RPS6KA2: variants seen among roughly 807,000 people sequenced by gnomAD.
RPS6KA2 encodes ribosomal protein S6 kinase A2, also known as ribosomal protein S6 kinase alpha-2.
In RPS6KA2, 42 loss-of-function variants were observed where a neutral mutation model predicts 91.8. That is an observed-to-expected ratio of 0.46 (90% CI 0.36 to 0.59). The LOEUF is 0.59. Among genes scored for constraint, RPS6KA2 ranks in the 20% least tolerant of loss-of-function variants. RPS6KA2 has a pLI of 0.00. For missense variants in RPS6KA2, 798 were observed against 978.5 expected (o/e 0.82, Z 2.46); for synonymous variants, 414 against 393.6 (o/e 1.05, Z -0.61).
intron 2 of RPS6KA2, among the ~76,000 whole-genome samples, chr6:166,711,556 T>C (rs1337270735): frequency 6.6e-6 from 1 of 151,300 alleles, no homozygotes. Context: ...GAATGGGAGA[T>C]ATAAAGAAGA....
intron 1 of RPS6KA2, among the ~76,000 whole-genome samples, chr6:166,589,545 T>C (rs1210625481): frequency 6.6e-6 from 1 of 152,236 alleles, no homozygotes; most frequent in Admixed American, 6.5e-5. Flanking sequence ...TCATGCTTCA[T>C]GGAAGGCTGC....
intron 2 of RPS6KA2, among the ~76,000 whole-genome samples, chr6:166,764,747 C>T (rs1363258834): frequency 6.6e-6 from 1 of 152,232 alleles, no homozygotes. Context: ...GGAAGACGCG[C>T]CACAGGGACT....
intron 10 of RPS6KA2, among the ~76,000 whole-genome samples, chr6:166,487,684 G>A (rs1583197013): frequency 6.6e-6 from 1 of 152,238 alleles, no homozygotes; most frequent in East Asian, 1.9e-4. Context: ...GGATGTAAAT[G>A]TGTTTAATTA....
At position 166,423,237 on chromosome 6, in the gene RPS6KA2, G is replaced by A; in HGVS notation, c.1743+19C>T. On this transcript the variant is annotated intron_variant, in intron 17 of 20. Transcript: ENST00000265678. This position sits in a 1 kb window ranked among gnomAD's most constrained non-coding sequence, Gnocchi z 4.8. ...TTTGCGGATAGAGAGGCCTGGGTCT[G>A]CAGTCGGGGAATGCTCACCTCCGGG... The A allele has an allele frequency of 1.9e-6, 3 of 1,594,802 alleles. No individual in the cohort carries two copies. The highest frequency in any genetic ancestry group is 1.7e-6 in the Non-Finnish European group (2 of 1,166,084).
Position 166,490,694 on chromosome 6 carries a change from C to T in RPS6KA2, c.795G>A (p.Lys265=), listed in dbSNP as rs756052281. ...ACTTGAGGATGAGAGCCATGGTCTC[C>T]TTCCTGTCCTTCCCCTGGAACGGCA... ...GSLPFQGKDR[K]ETMALILKAK... is the part of the protein sequence containing the mutation. The change falls in exon 9 of 21, where the codon AAG becomes AAA. Residue 265 remains lysine (K), a synonymous_variant. Coordinates refer to ENST00000265678, the MANE Select transcript of RPS6KA2 (RefSeq NM_021135.6). The surrounding 1 kb of genome is among the most constrained non-coding windows in gnomAD (Gnocchi z 4.2). 6.2e-7 allele frequency: 1 copy of T among 1,612,464 alleles called. No homozygotes were observed. The highest frequency in any genetic ancestry group is 8.5e-7 in the Non-Finnish European group (1 of 1,179,208).
chr6:166,628,588 C>G (rs997718573), upstream of RPS6KA2, among the ~76,000 whole-genome samples: 1 of 152,252 alleles, frequency 6.6e-6, no homozygotes, highest in Non-Finnish European at 1.5e-5. Context: ...GAGGTGAGGT[C>G]AGATAGGCTC....
chr6:166,789,017 C>G (rs979528347), intron 2 of RPS6KA2, among the ~76,000 whole-genome samples: 1 of 152,148 alleles, frequency 6.6e-6, no homozygotes, highest in Non-Finnish European at 1.5e-5. Flanking sequence ...GGGCACAGGA[C>G]AGCGGGTGCA....
chr6:166,699,885 T>A (rs1789460126), intron 2 of RPS6KA2, among the ~76,000 whole-genome samples: 1 of 152,218 alleles, frequency 6.6e-6, no homozygotes, highest in African/African-American at 2.4e-5. Flanking sequence ...TGCTTAAAAA[T>A]CTTCAAAATA....
intron 2 of RPS6KA2, among the ~76,000 whole-genome samples, chr6:166,749,960 G>A (rs1791225356): frequency 6.6e-6 from 1 of 151,894 alleles, no homozygotes; most frequent in Non-Finnish European, 1.5e-5. Context: ...AGAGAGGGCG[G>A]TGGAGGTGGC....
rs190044669 is a variant in RPS6KA2, at chr6:166,810,396, G to A, written c.123+47804C>T. Among the ~76,000 whole-genome samples, 31 of 152,280 alleles carry A rather than the reference G, an allele frequency of 2.0e-4. No individual in the cohort carries two copies. In the East Asian group the frequency reaches 5.2e-3, roughly 26 times the overall value. ...GTAACATGGAAAGATCTGAGCCCACGAGGATATTTGCCTCTTTGTGACGGG... is the reference window on the plus strand; with the variant it reads ...GTAACATGGAAAGATCTGAGCCCACAAGGATATTTGCCTCTTTGTGACGGG... On this transcript the variant is annotated intron_variant, in intron 2 of 21. Coordinates refer to the RPS6KA2 transcript ENST00000503859.
rs536659374 is a variant in RPS6KA2, at chr6:166,493,157, G to T, written c.748-2416C>A. On this transcript the variant is annotated intron_variant, in intron 8 of 20. Coordinates refer to ENST00000265678, the MANE Select transcript of RPS6KA2 (RefSeq NM_021135.6). The surrounding 1 kb of genome is among the most constrained non-coding windows in gnomAD (Gnocchi z 4.7). ...TAGGAGGTCCCCAACCATCTACTCA[G>T]CCAGAGAACACCCAGCACAGCACCC... is the stretch of plus-strand genomic sequence containing the variant. 4.7e-4 allele frequency among the ~76,000 whole-genome samples: 72 copies of T among 152,108 alleles called. No individual in the cohort carries two copies. Among genetic ancestry groups the T allele is most frequent in the African/African-American group, 1.7e-3 (71 of 41,492 alleles).
At chr6:166,766,999 C>T (rs1289804548) in intron 2 of RPS6KA2, among the ~76,000 whole-genome samples, 1 of 152,212 alleles carries the variant, frequency 6.6e-6, no homozygotes, top group East Asian at 1.9e-4. Flanking sequence ...GCCTCCCCAC[C>T]CCCGAACCCT....
intron 1 of RPS6KA2, among the ~76,000 whole-genome samples, chr6:166,581,712 C>A (rs1277211915): frequency 2.0e-5 from 3 of 152,202 alleles, no homozygotes; most frequent in Non-Finnish European, 4.4e-5. Context: ...CAAATGAAGA[C>A]CCACCCTGGG....
intron 1 of RPS6KA2, among the ~76,000 whole-genome samples, chr6:166,547,497 A>G (rs1395790294): frequency 3.3e-5 from 5 of 152,160 alleles, no homozygotes; most frequent in African/African-American, 1.2e-4. Context: ...GGTGTTTGTG[A>G]TCTGGATGAG....
chr6:166,501,430 G>C (rs545614065), intron 6 of RPS6KA2, among the ~76,000 whole-genome samples: 41 of 152,298 alleles, frequency 2.7e-4, no homozygotes, highest in Non-Finnish European at 5.3e-4. Flanking sequence ...CTGCACAAGC[G>C]GGGGCCAAGG....
chr6:166,672,237 G>A (rs1443509613), intron 2 of RPS6KA2, among the ~76,000 whole-genome samples: 1 of 152,076 alleles, frequency 6.6e-6, no homozygotes. Flanking sequence ...ACACTACGGG[G>A]AACAAGTCCC....
intron 1 of RPS6KA2, among the ~76,000 whole-genome samples, chr6:166,577,628 C>T (rs1784877239): frequency 6.6e-6 from 1 of 152,206 alleles, no homozygotes; most frequent in South Asian, 2.1e-4. Flanking sequence ...CCCATTGTAT[C>T]TAGGAAGTAA....
chr6:166,806,552 G>A (rs1298037596), intron 2 of RPS6KA2, among the ~76,000 whole-genome samples: 1 of 152,126 alleles, frequency 6.6e-6, no homozygotes, highest in Non-Finnish European at 1.5e-5. Context: ...TAAAACTGAA[G>A]AAGAAATTAA....
At chr6:166,824,166 C>T (rs1779975912) in intron 2 of RPS6KA2, among the ~76,000 whole-genome samples, 1 of 152,112 alleles carries the variant, frequency 6.6e-6, no homozygotes, top group African/African-American at 2.4e-5. Context: ...TTTGCACCCA[C>T]GAGAAACTCC....
Sources: allele counts gnomAD v4.1 joint callset (sites outside exome capture counted in the v4.1 genomes callset), GRCh38; gene constraint gnomAD v4.1.1; non-coding constraint Gnocchi (gnomAD v3.1); transcripts MANE v1.5; gene names NCBI Gene and HGNC (gene_info 2026-07-23, HGNC 2026-07-21).